Variants in NCALD observed in about 807,000 individuals in gnomAD.
NCALD encodes neurocalcin delta, also known as neurocalcin-delta.
NCALD carries 10 observed loss-of-function variants against 18.6 expected under a neutral mutation model. The ratio of observed to expected loss-of-function variants is 0.54; its 90% CI spans 0.33 to 0.91. The LOEUF is 0.91. Among genes scored for constraint, NCALD ranks in the 40% least tolerant of loss-of-function variants. The pLI, the probability that NCALD is intolerant of heterozygous loss-of-function variation, is 0.03. For synonymous variants in NCALD, 88 were observed against 87.4 expected (o/e 1.01, Z -0.04); for missense variants, 184 against 247.6 (o/e 0.74, Z 1.72).
chr8:101,961,039 T>G (rs1317958187), intron 2 of NCALD, among the ~76,000 whole-genome samples: 2 of 152,318 alleles, frequency 1.3e-5, no homozygotes, highest in Non-Finnish European at 2.9e-5. Flanking sequence ...TTTGGCTTAT[T>G]TAATCATTGT....
chr8:101,835,702 G>C (rs905580441), intron 4 of NCALD, among the ~76,000 whole-genome samples: 1 of 152,114 alleles, frequency 6.6e-6, no homozygotes, highest in Non-Finnish European at 1.5e-5. Flanking sequence ...ACCTAGCTGT[G>C]TGTGTGAGTG....
At chr8:101,850,318 C>T (rs915194017) in intron 4 of NCALD, among the ~76,000 whole-genome samples, 3 of 152,262 alleles carry the variant, frequency 2.0e-5, no homozygotes, top group Admixed American at 6.5e-5. Flanking sequence ...ATCTCCTGCT[C>T]GCCTGCTGTA....
intron 1 of NCALD, among the ~76,000 whole-genome samples, chr8:101,790,248 C>T (rs982182544): frequency 7.2e-5 from 11 of 152,282 alleles, no homozygotes; most frequent in Admixed American, 2.0e-4. Context: ...AAGGTTCCAC[C>T]CCAACTTCCT....
chr8:101,805,618 G>A (rs1439829157), intron 4 of NCALD, among the ~76,000 whole-genome samples: 6 of 152,166 alleles, frequency 3.9e-5, no homozygotes, highest in South Asian at 2.1e-4. Context: ...TGGAGAGGCC[G>A]TCCATAAGAA....
At chr8:101,907,475 A>C (rs1248440356) in intron 3 of NCALD, among the ~76,000 whole-genome samples, 1 of 151,272 alleles carries the variant, frequency 6.6e-6, no homozygotes, top group East Asian at 1.9e-4. Context: ...AGGTTTATTA[A>C]ATTTTATTAT....
intron 4 of NCALD, among the ~76,000 whole-genome samples, chr8:101,799,710 C>T (rs1812767617): frequency 6.6e-6 from 1 of 152,156 alleles, no homozygotes; most frequent in Admixed American, 6.5e-5. Context: ...CCGTAACATT[C>T]TTGAAATGAC....
chr8:101,705,182 A>T (rs1337874314), intron 2 of NCALD, among the ~76,000 whole-genome samples: 1 of 151,842 alleles, frequency 6.6e-6, no homozygotes, highest in Non-Finnish European at 1.5e-5. Flanking sequence ...AGCTGAGTGC[A>T]GTGAGCACTC....
chr8:101,945,053 A>AC (rs1819114448), intron 2 of NCALD, among the ~76,000 whole-genome samples: 1 of 152,212 alleles, frequency 6.6e-6, no homozygotes, highest in Non-Finnish European at 1.5e-5. Context: ...TTCGTGTCCT[A>AC]CGTGACATCT....
chr8:101,723,326 G>C (rs1309148039), intron 1 of NCALD, among the ~76,000 whole-genome samples: 1 of 151,992 alleles, frequency 6.6e-6, no homozygotes, highest in East Asian at 1.9e-4. Flanking sequence ...TCAGGTATCA[G>C]AGACTTATTG....
intron 1 of NCALD, among the ~76,000 whole-genome samples, chr8:102,058,680 C>T (rs1170109746): frequency 6.6e-6 from 1 of 152,230 alleles, no homozygotes; most frequent in Non-Finnish European, 1.5e-5. Flanking sequence ...CACTCTCAGG[C>T]ATCCATGGTG....
At position 101,719,300 on chromosome 8, in the gene NCALD, C is replaced by T; in HGVS notation, c.330G>A (p.Leu110=). 6.2e-7 allele frequency: 1 copy of T among 1,614,160 alleles called. No individual in the cohort carries two copies. The change falls in exon 2 of 4, where the codon CTG becomes CTA. Residue 110 remains leucine (L), a synonymous_variant. Coordinates refer to ENST00000220931, the MANE Select transcript of NCALD (RefSeq NM_032041.3). The part of the protein sequence containing the change: ...KLKWAFSMYD[L]DGNGYISKAE... Reference sequence around the variant, plus strand: ...CCTTGCTGATATAGCCATTTCCGTCCAGGTCGTACATGCTGAAGGCCCATT... The same window carrying T: ...CCTTGCTGATATAGCCATTTCCGTCTAGGTCGTACATGCTGAAGGCCCATT...
At chr8:101,716,729 G>C (rs1357874944) in intron 2 of NCALD, among the ~76,000 whole-genome samples, 1 of 152,204 alleles carries the variant, frequency 6.6e-6, no homozygotes, top group Non-Finnish European at 1.5e-5. Flanking sequence ...CTTTGCAGAC[G>C]TGATTACATT....
chr8:101,713,759 T>C (rs1163148916), intron 2 of NCALD, among the ~76,000 whole-genome samples: 3 of 151,984 alleles, frequency 2.0e-5, no homozygotes, highest in Non-Finnish European at 4.4e-5. Flanking sequence ...AATAGACGAA[T>C]AACACATTTT....
intron 1 of NCALD, among the ~76,000 whole-genome samples, chr8:102,060,927 C>T (rs7014246): frequency 0.06 from 9,131 of 152,180 alleles, 637 homozygotes; most frequent in African/African-American, 0.17. Flanking sequence ...GGCTTGGCAG[C>T]ATTATTTACA....
chr8:101,816,014 A>G (rs1054408326), intron 4 of NCALD, among the ~76,000 whole-genome samples: 1 of 152,148 alleles, frequency 6.6e-6, no homozygotes, highest in African/African-American at 2.4e-5. Context: ...TTAAATACAT[A>G]TTACTAAATG....
chr8:101,725,611 A>G (rs1816538511), intron 1 of NCALD, among the ~76,000 whole-genome samples: 1 of 152,184 alleles, frequency 6.6e-6, no homozygotes, highest in African/African-American at 2.4e-5. Flanking sequence ...CTGCTAAAAG[A>G]GCATTAATTG....
intron 2 of NCALD, among the ~76,000 whole-genome samples, chr8:102,007,051 A>C (rs1284562679): frequency 6.6e-6 from 1 of 152,198 alleles, no homozygotes; most frequent in East Asian, 1.9e-4. Context: ...CTTATTAAAA[A>C]TGCAGATTCA....
At chr8:101,745,523 T>C (rs1313309699) in intron 1 of NCALD, among the ~76,000 whole-genome samples, 2 of 152,208 alleles carry the variant, frequency 1.3e-5, no homozygotes, top group Non-Finnish European at 2.9e-5. Context: ...CTCGAGTTAA[T>C]TAGAAAACTT....
At chr8:101,921,518 C>T (rs1818165672) in intron 2 of NCALD, among the ~76,000 whole-genome samples, 1 of 152,054 alleles carries the variant, frequency 6.6e-6, no homozygotes, top group Admixed American at 6.6e-5. Context: ...AGTCAATACA[C>T]CAAGGACTCA....
Sources: gnomAD v4.1 joint callset for allele counts (sites outside exome capture counted in the v4.1 genomes callset) on GRCh38, gnomAD v4.1.1 for gene constraint, MANE v1.5 for transcripts, NCBI Gene and HGNC (gene_info 2026-07-23, HGNC 2026-07-21) for gene names.